Variants in VANGL2 observed in about 807,000 individuals in gnomAD.
The protein encoded by VANGL2 is VANGL planar cell polarity protein 2.
Under a neutral mutation model 50.2 loss-of-function variants are expected in VANGL2, and 14 were observed. The ratio of observed to expected loss-of-function variants is 0.28; its 90% CI spans 0.18 to 0.44. The LOEUF is 0.44. VANGL2 is among the 20% of genes least tolerant of loss of function. The pLI is 1.00. For synonymous variants in VANGL2, 295 were observed against 297.2 expected (o/e 0.99, Z 0.08); for missense variants, 533 against 701.5 (o/e 0.76, Z 2.71).
chr1:160,410,498 A>G (rs1425318297), intron 1 of VANGL2, among the ~76,000 whole-genome samples: 2 of 152,134 alleles, frequency 1.3e-5, no homozygotes, highest in Non-Finnish European at 2.9e-5. Context: ...GAGCAGTGGC[A>G]GGAGGTGGCG....
At chr1:160,402,430 G>T (rs1414955424) in intron 1 of VANGL2, among the ~76,000 whole-genome samples, 3 of 152,142 alleles carry the variant, frequency 2.0e-5, no homozygotes, top group African/African-American at 7.2e-5. Context: ...GGAGTCTTGA[G>T]ATTTTGGTGT....
intron 1 of VANGL2, among the ~76,000 whole-genome samples, chr1:160,408,867 G>A (rs1296984035): frequency 2.0e-5 from 3 of 152,230 alleles, no homozygotes; most frequent in South Asian, 2.1e-4. Flanking sequence ...GTCCAGGGCT[G>A]GAGCTGGTCC....
Position 160,419,584 on chromosome 1 carries a change from C to T in VANGL2, c.775C>T (p.Arg259Cys), listed in dbSNP as rs750337877. ...KVVRSTDGAS[R>C]FYNVGHLSIQ... ...CGTGCGCTCCACCGACGGCGCCAGC[C>T]GCTTCTACAACGTTGGCCATCTCAG... Residue 259 changes from arginine to cysteine, a missense_variant, in exon 4 of 8, where the codon CGC (arginine) becomes TGC (cysteine). Coordinates refer to ENST00000368061, the MANE Select transcript of VANGL2 (RefSeq NM_020335.3). This position sits in a 1 kb window ranked among gnomAD's most constrained non-coding sequence, Gnocchi z 5.8. 1.1e-5 allele frequency: 18 copies of T among 1,599,412 alleles called. No homozygotes were observed. The highest frequency in any genetic ancestry group is 1.7e-5 in the Admixed American group (1 of 59,980).
intron 1 of VANGL2, among the ~76,000 whole-genome samples, chr1:160,414,461 C>G (rs1650985817): frequency 6.6e-6 from 1 of 152,170 alleles, no homozygotes; most frequent in Admixed American, 6.5e-5. Context: ...CTGAGGTGTC[C>G]TTTTCTCAGA....
At chr1:160,409,375 G>T (rs926387323) in intron 1 of VANGL2, among the ~76,000 whole-genome samples, 1 of 152,132 alleles carries the variant, frequency 6.6e-6, no homozygotes, top group Non-Finnish European at 1.5e-5. Context: ...TCCCTCTAAG[G>T]CCCCTTTCAG....
At chr1:160,420,576 C>A (rs760260287) in intron 5 of VANGL2, 29 bp downstream of exon 5, 2 of 1,614,018 alleles carry the variant, frequency 1.2e-6, no homozygotes, top group African/African-American at 2.7e-5. Flanking sequence ...CTGCCCTTCC[C>A]TGTCTCTTCC....
intron 5 of VANGL2, 146 bp downstream of exon 5, chr1:160,420,693 C>A: frequency 7.8e-7 from 1 of 1,284,930 alleles, no homozygotes; most frequent in Non-Finnish European, 1.1e-6. Context: ...CCCTTGACTC[C>A]AGGTGGCTGA....
chr1:160,415,486 G>A (rs1403214445), intron 1 of VANGL2, among the ~76,000 whole-genome samples, 162 bp from the exon 2 acceptor site: 1 of 152,296 alleles, frequency 6.6e-6, no homozygotes, highest in Non-Finnish European at 1.5e-5. Context: ...AAGGGTAGGA[G>A]GAACTGGGCC....
intron 1 of VANGL2, among the ~76,000 whole-genome samples, chr1:160,410,115 C>A (rs772283709): frequency 6.6e-6 from 1 of 152,116 alleles, no homozygotes; most frequent in Non-Finnish European, 1.5e-5. Context: ...TCAGGCAGAA[C>A]CACCCTTCCC....
intron 3 of VANGL2, 98 bp downstream of exon 3, chr1:160,416,280 T>C (rs1651056525): frequency 2.5e-6 from 4 of 1,595,294 alleles, no homozygotes; most frequent in Middle Eastern, 2.2e-4. Context: ...GGAAACCTGG[T>C]CTCAGACAGC....
At chr1:160,420,073 C>A (rs986238838) in intron 4 of VANGL2, among the ~76,000 whole-genome samples, 2 of 152,088 alleles carry the variant, frequency 1.3e-5, no homozygotes, top group African/African-American at 4.8e-5. Context: ...CAAGCTACCC[C>A]TCGAGGCCAC....
At chr1:160,405,050 G>C (rs557918555) in intron 1 of VANGL2, among the ~76,000 whole-genome samples, 2 of 152,200 alleles carry the variant, frequency 1.3e-5, no homozygotes, top group South Asian at 4.2e-4. Flanking sequence ...TCTTCTCAGG[G>C]TCTGGGCTGG....
intron 3 of VANGL2, 109 bp downstream of exon 3, chr1:160,416,291 C>G: frequency 1.9e-6 from 3 of 1,577,600 alleles, no homozygotes; most frequent in South Asian, 1.1e-5. Context: ...CTCAGACAGC[C>G]ATCAGATCGG....
intron 1 of VANGL2, among the ~76,000 whole-genome samples, chr1:160,406,442 G>T (rs1266942258): frequency 6.6e-6 from 1 of 152,176 alleles, no homozygotes; most frequent in African/African-American, 2.4e-5. Context: ...CATAAGCCTG[G>T]GGCGGGGCCA....
At chr1:160,421,974 C>T (rs1360828954) in intron 6 of VANGL2, among the ~76,000 whole-genome samples, 1 of 152,184 alleles carries the variant, frequency 6.6e-6, no homozygotes, top group Non-Finnish European at 1.5e-5. Flanking sequence ...TTTCCCTATT[C>T]ATATTATTAA....
At chr1:160,405,878 T>A (rs1332668009) in intron 1 of VANGL2, among the ~76,000 whole-genome samples, 4 of 152,132 alleles carry the variant, frequency 2.6e-5, no homozygotes, top group Non-Finnish European at 4.4e-5. Context: ...AGTACCTGGA[T>A]GTGGTCTAAT....
At chr1:160,420,638 T>G in intron 5 of VANGL2, 91 bp downstream of exon 5, 2 of 1,595,348 alleles carry the variant, frequency 1.3e-6, no homozygotes, top group Non-Finnish European at 1.7e-6. Flanking sequence ...CCCTTGCTTT[T>G]TCCTTTCCTT....
rs544358728 is a variant in VANGL2 at position 160,418,849 on chromosome 1, C to T, written c.193-153C>T. On this transcript the variant is annotated intron_variant, in intron 3 of 7. Transcript: ENST00000368061. The stretch of plus-strand genomic sequence containing the variant: ...AGCTCAGTAAATACTTTGATGGTTG[C>T]GTATTTGTTGATTACCCTCTCTTCT... 2.6e-5 allele frequency among the ~76,000 whole-genome samples: 4 copies of T among 152,284 alleles called. No homozygotes were observed. In the East Asian group the frequency reaches 5.8e-4, roughly 22 times the overall value.
chr1:160,416,219 T>C, intron 3 of VANGL2, 37 bp downstream of exon 3: 3 of 1,613,314 alleles, frequency 1.9e-6, no homozygotes, highest in Non-Finnish European at 2.5e-6. Context: ...GACCGGGCAT[T>C]TTCAGACTGC....
Sources: gnomAD v4.1 joint callset for allele counts (sites outside exome capture counted in the v4.1 genomes callset) on GRCh38, gnomAD v4.1.1 for gene constraint, Gnocchi (gnomAD v3.1) non-coding constraint, MANE v1.5 for transcripts, NCBI Gene and HGNC (gene_info 2026-07-23, HGNC 2026-07-21) for gene names.